FSHR: variants seen among roughly 807,000 people sequenced by gnomAD.
FSHR encodes follicle-stimulating hormone receptor.
In FSHR, 46 loss-of-function variants were observed where a neutral mutation model predicts 52.1. The ratio of observed to expected loss-of-function variants is 0.88; its 90% CI spans 0.70 to 1.13. The LOEUF (loss-of-function observed/expected upper bound fraction) is 1.13, where lower values mean the gene tolerates loss of function less well. Among genes scored for constraint, FSHR ranks in the 50% most tolerant of loss-of-function variants. The probability of loss-of-function intolerance (pLI) is 0.00; values close to 1 mark genes in which losing one functional copy is unlikely to be tolerated. For missense variants in FSHR, 964 were observed against 834.6 expected (o/e 1.16, Z -1.91); for synonymous variants, 399 against 309.6 (o/e 1.29, Z -3.03).
chr2:48,969,074 G>T (rs1674615576), intron 8 of FSHR, among the ~76,000 whole-genome samples, 191 bp from the exon 9 acceptor site: 1 of 152,112 alleles, frequency 6.6e-6, no homozygotes, highest in African/African-American at 2.4e-5. Context: ...TAGGAGTCCT[G>T]GTCCTTCTGT....
chr2:49,083,310 C>A (rs1016743823), intron 1 of FSHR, among the ~76,000 whole-genome samples: 3 of 148,782 alleles, frequency 2.0e-5, no homozygotes, highest in Non-Finnish European at 4.5e-5. Flanking sequence ...GATTTTGTCA[C>A]CACCAGGCCT....
At chr2:48,996,853 C>T (rs964730915) in intron 4 of FSHR, among the ~76,000 whole-genome samples, 2 of 152,136 alleles carry the variant, frequency 1.3e-5, no homozygotes, top group African/African-American at 4.8e-5. Flanking sequence ...TTAATTAGCA[C>T]ATACAGAATC....
chr2:49,127,902 T>TCTTCTTCTTCTTCTTCTTCTTCTTCTTC (rs1476153675), intron 1 of FSHR, among the ~76,000 whole-genome samples: 1 of 132,612 alleles, frequency 7.5e-6, no homozygotes, highest in African/African-American at 3.1e-5. Context: ...CTTCTTCTTT[T>TCTTCTTCTTCTTCTTCTTCTTCTTCTTC]TTTTTTTTGA....
chr2:49,083,607 G>C (rs1253243636), intron 1 of FSHR, among the ~76,000 whole-genome samples: 1 of 149,030 alleles, frequency 6.7e-6, no homozygotes, highest in Non-Finnish European at 1.5e-5. Flanking sequence ...CCCATCTCAC[G>C]TGCAGAGACA....
At chr2:48,977,660 T>G (rs536706839) in intron 8 of FSHR, among the ~76,000 whole-genome samples, 11 of 152,338 alleles carry the variant, frequency 7.2e-5, no homozygotes, top group African/African-American at 2.6e-4. Context: ...CTCATTGTAC[T>G]GGGGAGTAAC....
chr2:49,142,067 C>G (rs897576925), intron 1 of FSHR, among the ~76,000 whole-genome samples: 3 of 152,164 alleles, frequency 2.0e-5, no homozygotes, highest in Non-Finnish European at 4.4e-5. Flanking sequence ...TTCAGTCTTT[C>G]CTTCTAGTTA....
chr2:48,966,061 T>C, intron 9 of FSHR, among the ~76,000 whole-genome samples: 1 of 152,206 alleles, frequency 6.6e-6, no homozygotes, highest in East Asian at 1.9e-4. Flanking sequence ...TTGGTCAGTG[T>C]AGGTCAAGTT....
At chr2:49,054,332 G>A (rs2104308856) in intron 2 of FSHR, among the ~76,000 whole-genome samples, 1 of 152,178 alleles carries the variant, frequency 6.6e-6, no homozygotes, top group East Asian at 1.9e-4. Context: ...ATGCCTCCAA[G>A]CTGGCTAAGC....
rs747571135 is a variant in FSHR, at chr2:48,999,589, C to T, written c.375-8952G>A. Among the ~76,000 whole-genome samples the T allele has an allele frequency of 3.0e-4, 46 of 152,212 alleles. No individual in the cohort carries two copies. The Middle Eastern group carries it at 0.01, about 34-fold the overall frequency. ...TTATTCCTGAAGAGGGCCTTAGACTCCGTAACCTCTAAGATGCCTTCCAAC... is the reference window on the plus strand; with the variant it reads ...TTATTCCTGAAGAGGGCCTTAGACTTCGTAACCTCTAAGATGCCTTCCAAC... On this transcript the variant is annotated intron_variant, in intron 4 of 9. Transcript: ENST00000406846.
chr2:49,003,473 T>G (rs549041545), intron 4 of FSHR, among the ~76,000 whole-genome samples: 2 of 152,284 alleles, frequency 1.3e-5, no homozygotes, highest in South Asian at 4.1e-4. Flanking sequence ...GACTTGCCCT[T>G]GGGGAAGACA....
intron 8 of FSHR, among the ~76,000 whole-genome samples, chr2:48,970,370 G>A (rs568216457): frequency 2.6e-5 from 4 of 152,254 alleles, no homozygotes; most frequent in African/African-American, 9.6e-5. Flanking sequence ...CTAAGGCCAT[G>A]TCTTAGCTCT....
chr2:49,138,390 A>C (rs969452870), intron 1 of FSHR, among the ~76,000 whole-genome samples: 10 of 152,326 alleles, frequency 6.6e-5, no homozygotes, highest in Non-Finnish European at 1.3e-4. Context: ...GTCAGCACTA[A>C]AACTTGTACA....
chr2:48,989,527 C>T (rs1044411674), intron 5 of FSHR, among the ~76,000 whole-genome samples: 1 of 152,172 alleles, frequency 6.6e-6, no homozygotes, highest in African/African-American at 2.4e-5. Context: ...AGTGATCTGC[C>T]TGCCTTGGCT....
chr2:49,081,864 G>A (rs1383261407), intron 1 of FSHR, among the ~76,000 whole-genome samples: 1 of 152,134 alleles, frequency 6.6e-6, no homozygotes, highest in Non-Finnish European at 1.5e-5. Context: ...AAAGGAGAAC[G>A]GTTTAAAAGA....
intron 1 of FSHR, among the ~76,000 whole-genome samples, chr2:49,089,432 G>A (rs1018107788): frequency 1.3e-5 from 2 of 152,114 alleles, no homozygotes; most frequent in Non-Finnish European, 2.9e-5. Context: ...TGAATAAATA[G>A]CATACATGTT....
intron 2 of FSHR, among the ~76,000 whole-genome samples, chr2:49,030,728 A>G (rs10171892): frequency 0.63 from 95,653 of 151,950 alleles, 30,320 homozygotes; most frequent in East Asian, 0.77. Flanking sequence ...AGAAATTTAC[A>G]GGTCTGTATT....
chr2:49,091,240 T>C (rs558498972), intron 1 of FSHR, among the ~76,000 whole-genome samples: 2 of 152,258 alleles, frequency 1.3e-5, no homozygotes, highest in East Asian at 3.9e-4. Context: ...ATAGCTTTTA[T>C]GTTTTATATT....
intron 1 of FSHR, among the ~76,000 whole-genome samples, chr2:49,123,142 G>C (rs1472084608): frequency 6.6e-6 from 1 of 152,032 alleles, no homozygotes; most frequent in Non-Finnish European, 1.5e-5. Context: ...TCCCTATCAG[G>C]TCTATAAACT....
chr2:49,027,031 ACTCT>A (rs1667932535), intron 2 of FSHR, among the ~76,000 whole-genome samples: 1 of 150,754 alleles, frequency 6.6e-6, no homozygotes, highest in Non-Finnish European at 1.5e-5. Context: ...TCCTCTCCAA[ACTCT>A]CTTCCCCTCC....
Sources: allele counts gnomAD v4.1 joint callset (sites outside exome capture counted in the v4.1 genomes callset), GRCh38; gene constraint gnomAD v4.1.1; transcripts MANE v1.5; gene names NCBI Gene and HGNC (gene_info 2026-07-23, HGNC 2026-07-21).